The following SPATA31H1 variants were observed in gnomAD, a reference collection of about 807,000 sequenced individuals.
SPATA31H1 encodes the protein SPATA31 subfamily H member 1, also known as spermatogenesis-associated protein 31H1.
At chr2:27,578,606 TAAAC>T in the SPATA31H1 span, 1 of 1,614,020 alleles carries the variant, frequency 6.2e-7, no homozygotes, top group Non-Finnish European at 8.5e-7. Flanking sequence ...TATTGACTCA[TAAAC>T]AAGGGCTTCA....
At chr2:27,553,061 C>T in the SPATA31H1 span, among the ~76,000 whole-genome samples, 2 of 152,058 alleles carry the variant, frequency 1.3e-5, no homozygotes, top group Non-Finnish European at 2.9e-5. Flanking sequence ...CTAGACCCAC[C>T]GGAGTGAAGG....
chr2:27,577,858 G>A, the SPATA31H1 span: 4 of 1,613,994 alleles, frequency 2.5e-6, no homozygotes, highest in Non-Finnish European at 3.4e-6. The surrounding 1 kb of genome is among the most constrained non-coding windows in gnomAD (Gnocchi z 4.5). Context: ...CAAGTTATAG[G>A]ACATGAAGAA....
the SPATA31H1 span, chr2:27,580,079 G>T: frequency 1.2e-6 from 2 of 1,614,008 alleles, no homozygotes; most frequent in Admixed American, 1.7e-5. Context: ...TTGGCTTTAG[G>T]CTGAGAATTG....
the SPATA31H1 span, chr2:27,537,568 G>C: frequency 3.2e-5 from 23 of 717,210 alleles, no homozygotes; most frequent in Admixed American, 6.0e-5. Context: ...GATAAACTCA[G>C]AGGTATGTGA....
At chr2:27,579,539 A>G in the SPATA31H1 span, 1 of 1,614,180 alleles carries the variant, frequency 6.2e-7, no homozygotes, top group East Asian at 2.2e-5. Context: ...TAATACAGCA[A>G]TACTCTGGGA....
the SPATA31H1 span, among the ~76,000 whole-genome samples, chr2:27,555,004 G>C: frequency 7.9e-5 from 12 of 152,052 alleles, no homozygotes; most frequent in South Asian, 2.1e-4. Context: ...ATGAATTTTG[G>C]GGGGGACATA....
chr2:27,580,584 A>C, the SPATA31H1 span: 1 of 1,614,222 alleles, frequency 6.2e-7, no homozygotes, highest in Non-Finnish European at 8.5e-7. Flanking sequence ...TGCCTCTTTA[A>C]AAAGACAACC....
chr2:27,563,652 C>G, the SPATA31H1 span, among the ~76,000 whole-genome samples: 1 of 151,754 alleles, frequency 6.6e-6, no homozygotes, highest in Non-Finnish European at 1.5e-5. Flanking sequence ...CTCCACCTTC[C>G]AAGTTGAAGT....
chr2:27,553,616 C>T, the SPATA31H1 span, among the ~76,000 whole-genome samples: 3 of 152,098 alleles, frequency 2.0e-5, no homozygotes, highest in Admixed American at 6.5e-5. Context: ...TTCTTCAAAA[C>T]TTTACTTAGA....
the SPATA31H1 span, among the ~76,000 whole-genome samples, chr2:27,546,924 ACT>A: frequency 1.3e-5 from 2 of 151,868 alleles, no homozygotes; most frequent in Non-Finnish European, 2.9e-5. Flanking sequence ...CACTTTCACG[ACT>A]CTTTCTCACC....
the SPATA31H1 span, chr2:27,581,647 G>A: frequency 1.9e-6 from 3 of 1,612,910 alleles, no homozygotes; most frequent in African/African-American, 4.0e-5. Flanking sequence ...CCCTCTGAGA[G>A]AAGACATCGC....
the SPATA31H1 span, chr2:27,566,484 G>C: frequency 7.6e-6 from 5 of 660,130 alleles, no homozygotes; most frequent in African/African-American, 1.8e-5. Flanking sequence ...GGAGAAGAGA[G>C]AGTTTGTTTT....
At chr2:27,549,201 G>T in the SPATA31H1 span, among the ~76,000 whole-genome samples, 5 of 151,914 alleles carry the variant, frequency 3.3e-5, no homozygotes, top group Non-Finnish European at 7.4e-5. Flanking sequence ...TTTGTAAATG[G>T]GGAAGTTGGA....
At chr2:27,554,254 C>T in the SPATA31H1 span, among the ~76,000 whole-genome samples, 1 of 151,972 alleles carries the variant, frequency 6.6e-6, no homozygotes, top group African/African-American at 2.4e-5. Flanking sequence ...GCAATGTAGG[C>T]TTTTTCTAGC....
the SPATA31H1 span, among the ~76,000 whole-genome samples, chr2:27,540,536 C>CA: frequency 7.2e-6 from 1 of 138,686 alleles, no homozygotes; most frequent in Non-Finnish European, 1.6e-5. Flanking sequence ...GACCCCCCCC[C>CA]CACCTCCCTC....
At chr2:27,582,510 C>A in the SPATA31H1 span, 2 of 1,604,672 alleles carry the variant, frequency 1.2e-6, no homozygotes, top group South Asian at 2.2e-5. Context: ...AGTGTGGAGG[C>A]CTGAAGCTAC....
chr2:27,578,955 G>A, the SPATA31H1 span: 77 of 1,613,926 alleles, frequency 4.8e-5, no homozygotes, highest in African/African-American at 9.6e-4. Context: ...TTTTCCTTTG[G>A]CCCTTCATAA....
At chr2:27,579,931 T>C in the SPATA31H1 span, 2 of 1,614,208 alleles carry the variant, frequency 1.2e-6, no homozygotes, top group Non-Finnish European at 8.5e-7. Flanking sequence ...AAATACCCTA[T>C]CTGCCTACAG....
the SPATA31H1 span, chr2:27,582,659 G>T: frequency 3.5e-6 from 3 of 863,034 alleles, no homozygotes; most frequent in Admixed American, 5.6e-5. Context: ...TCTCTCTACC[G>T]GGGGGGAGGC....
Sources: gnomAD v4.1 joint callset for allele counts (sites outside exome capture counted in the v4.1 genomes callset) on GRCh38, gnomAD v4.1.1 for gene constraint, Gnocchi (gnomAD v3.1) non-coding constraint, MANE v1.5 for transcripts, NCBI Gene and HGNC (gene_info 2026-07-23, HGNC 2026-07-21) for gene names.